The following GSDME variants were observed in gnomAD, a reference collection of about 807,000 sequenced individuals.
The protein encoded by GSDME is gasdermin-E.
Under a neutral mutation model 47.5 loss-of-function variants are expected in GSDME, and 44 were observed. That is an observed-to-expected ratio of 0.93 (90% CI 0.73 to 1.19). The LOEUF (loss-of-function observed/expected upper bound fraction) is 1.19, where lower values mean the gene tolerates loss of function less well. Among genes scored for constraint, GSDME ranks in the 50% most tolerant of loss-of-function variants. The pLI is 0.00. For synonymous variants in GSDME, 258 were observed against 252.8 expected, an observed-to-expected ratio of 1.02 and a Z score of -0.20; for missense variants, 663 against 604.2, an observed-to-expected ratio of 1.10 and a Z score of -1.02.
At chr7:24,727,935 C>T (rs1790022766) in intron 3 of GSDME, among the ~76,000 whole-genome samples, 1 of 152,186 alleles carries the variant, frequency 6.6e-6, no homozygotes, top group African/African-American at 2.4e-5. Context: ...CATCCTGTAC[C>T]GGGAAGGCTG....
At position 24,702,825 on chromosome 7, in the gene GSDME, C is replaced by G. The variant is rs144651293; in HGVS notation, c.1192G>C (p.Asp398His). ...GTGCCCAGCAGAGCTGCTGCGCTAT[C>G]TGGCATTTCTGCAGGAGAGAAAAAT... ...FLVSALAEMP[D>H]SAAALLGTCC... Residue 398 changes from aspartate (D) to histidine (H), a missense_variant, in exon 9 of 10, where the codon GAT (aspartate) becomes CAT (histidine). Coordinates refer to ENST00000645220, the MANE Select transcript of GSDME (RefSeq NM_001127453.2). 1.2e-6 allele frequency: 2 copies of G among 1,612,986 alleles called. No individual in the cohort carries two copies.
At chr7:24,711,218 T>G (rs1789340453) in intron 5 of GSDME, among the ~76,000 whole-genome samples, 1 of 152,130 alleles carries the variant, frequency 6.6e-6, no homozygotes, top group East Asian at 1.9e-4. Flanking sequence ...TAAAAAGGTT[T>G]GTTTTTGGTT....
chr7:24,708,117 C>T lies in GSDME; in HGVS notation c.990+10G>A, dbSNP rs1202860917. The T allele has an allele frequency of 6.2e-7, 1 of 1,614,140 alleles. No individual in the cohort carries two copies. The stretch of plus-strand genomic sequence containing the variant: ...GTGAAAACACTGCCTTGAGATGTCT[C>T]AGGGCTCACCACTGGTTCCAGGACC... On this transcript the variant is annotated intron_variant, in intron 7 of 9. Transcript: ENST00000645220.
chr7:24,760,596 G>T (rs1791152206), upstream of GSDME, among the ~76,000 whole-genome samples: 1 of 152,178 alleles, frequency 6.6e-6, no homozygotes, highest in Admixed American at 6.5e-5. This position sits in a 1 kb window ranked among gnomAD's most constrained non-coding sequence, Gnocchi z 4.2. Context: ...TTCAGCTAAA[G>T]TTGCCTTTAA....
At chr7:24,711,258 T>C (rs1176659335) in intron 5 of GSDME, among the ~76,000 whole-genome samples, 2 of 152,110 alleles carry the variant, frequency 1.3e-5, no homozygotes, top group Non-Finnish European at 2.9e-5. Context: ...TGAGACAGAG[T>C]CACTCTGTTG....
rs1441981826 is a variant in GSDME, at chr7:24,744,981, G to A, written c.212-227C>T. Among the ~76,000 whole-genome samples, 1 of 121,016 alleles carries A rather than the reference G, an allele frequency of 8.3e-6. No individual in the cohort carries two copies. The highest frequency in any genetic ancestry group is 3.2e-5 in the African/African-American group (1 of 31,048). The allele number at this position is 121,016 out of a possible 152,430, so 79.4% of individuals were successfully genotyped here. ...CGCGGGCACACAGTGGACCAGTGCA[G>A]CACGTGTGTGTGTGTGTGTGTGTGT... On this transcript the variant is annotated intron_variant, in intron 2 of 9. Coordinates refer to ENST00000645220, the MANE Select transcript of GSDME (RefSeq NM_001127453.2). This position sits in a 1 kb window ranked among gnomAD's most constrained non-coding sequence, Gnocchi z 4.5.
rs928911327 is a variant in GSDME, at chr7:24,732,905, G to T, written c.404+11657C>A. Among the ~76,000 whole-genome samples the T allele has an allele frequency of 6.6e-6, 1 of 152,048 alleles. No homozygotes were observed. Among genetic ancestry groups the T allele is most frequent in the Non-Finnish European group, 1.5e-5 (1 of 68,012 alleles). On this transcript the variant is annotated intron_variant, in intron 3 of 9. Transcript: ENST00000645220. This position sits in a 1 kb window ranked among gnomAD's most constrained non-coding sequence, Gnocchi z 4.8. Reference sequence around the variant, plus strand: ...GCTGGGCTCAGAGCCAGTGGATTTGGGGGGTGGGTACACAACCTACTGAGA... The same window carrying T: ...GCTGGGCTCAGAGCCAGTGGATTTGTGGGGTGGGTACACAACCTACTGAGA...
chr7:24,726,168 C>T lies in GSDME; in HGVS notation c.405-6950G>A, dbSNP rs977273000. Among the ~76,000 whole-genome samples, 2 of 152,144 alleles carry T rather than the reference C, an allele frequency of 1.3e-5. No homozygotes were observed. Among genetic ancestry groups the T allele is most frequent in the South Asian group, 2.1e-4 (1 of 4,822 alleles). On this transcript the variant is annotated intron_variant, in intron 3 of 9. Transcript: ENST00000645220. The surrounding 1 kb of genome is among the most constrained non-coding windows in gnomAD (Gnocchi z 5.6). ...TCCCCAGGCCCAGCCCTAATGAAGCCGCCTCCTCTCCCAGCCTGAAGCTTT... is the reference window on the plus strand; with the variant it reads ...TCCCCAGGCCCAGCCCTAATGAAGCTGCCTCCTCTCCCAGCCTGAAGCTTT...
chr7:24,728,965 T>C lies in GSDME; in HGVS notation c.405-9747A>G, dbSNP rs1366297272. 1.3e-5 allele frequency among the ~76,000 whole-genome samples: 2 copies of C among 152,332 alleles called. No homozygotes were observed. The highest frequency in any genetic ancestry group is 4.8e-5 in the African/African-American group (2 of 41,570). On this transcript the variant is annotated intron_variant, in intron 3 of 9. Transcript: ENST00000645220. This position sits in a 1 kb window ranked among gnomAD's most constrained non-coding sequence, Gnocchi z 7.2. Reference sequence around the variant, plus strand: ...ATTGGGGCAGAATGCTCACTGCACATTGTTGCCAAAGTGACCAAGTCACCC... The same window carrying C: ...ATTGGGGCAGAATGCTCACTGCACACTGTTGCCAAAGTGACCAAGTCACCC...
intron 8 of GSDME, chr7:24,704,930 C>G (rs559016504): frequency 1.3e-5 from 2 of 152,346 alleles, no homozygotes; most frequent in Non-Finnish European, 2.9e-5. Flanking sequence ...TCAAGTGATC[C>G]TTCCACCTTA....
intron 1 of GSDME, among the ~76,000 whole-genome samples, chr7:24,752,730 A>G (rs956237821): frequency 5.3e-5 from 8 of 152,212 alleles, no homozygotes; most frequent in Admixed American, 3.9e-4. Context: ...AGAGCCACAG[A>G]ACAACTGCTT....
At chr7:24,749,935 T>G (rs1790803097) in intron 1 of GSDME, 142 bp from the exon 2 acceptor site, 2 of 632,048 alleles carry the variant, frequency 3.2e-6, no homozygotes, top group Non-Finnish European at 5.5e-6. Context: ...TAGTTTGACT[T>G]TAGCTGATAA....
At chr7:24,740,863 T>C (rs1790466426) in intron 3 of GSDME, among the ~76,000 whole-genome samples, 1 of 152,146 alleles carries the variant, frequency 6.6e-6, no homozygotes, top group Non-Finnish European at 1.5e-5. Context: ...CTTTACAATA[T>C]GATGAAGAAT....
At position 24,744,749 on chromosome 7, in the gene GSDME, C is replaced by A; in HGVS notation, c.217G>T (p.Val73Leu). 2 of 1,613,986 alleles carry A rather than the reference C, an allele frequency of 1.2e-6. No individual in the cohort carries two copies. Among genetic ancestry groups the A allele is most frequent in the South Asian group, 2.2e-5 (2 of 91,064 alleles). ...TCGTATTTCACAAAGTCCGACTCCACGACCACTGGAATGGAGGAGACGAGC... is the reference window on the plus strand; with the variant it reads ...TCGTATTTCACAAAGTCCGACTCCAAGACCACTGGAATGGAGGAGACGAGC... ...IEDQFPSPVV[V>L]ESDFVKYEGK... is the part of the protein sequence containing the mutation. Residue 73 changes from valine to leucine, a missense_variant, in exon 3 of 10, where the codon GTG becomes TTG. By Grantham distance (32) the Val-to-Leu change is conservative. Transcript: ENST00000645220. The surrounding 1 kb of genome is among the most constrained non-coding windows in gnomAD (Gnocchi z 4.5).
Position 24,732,334 on chromosome 7 carries a change from CT to C in GSDME, c.404+12227del, listed in dbSNP as rs1042480268. 6.6e-6 allele frequency among the ~76,000 whole-genome samples: 1 copy of C among 152,172 alleles called. No individual in the cohort carries two copies. The highest frequency in any genetic ancestry group is 2.4e-5 in the African/African-American group (1 of 41,426). The stretch of plus-strand genomic sequence containing the variant: ...AGACATGGCTCCTCAAATCTTTCTC[CT>C]TGAAAAACTCCTAAATGTTAAAGGA... On this transcript the variant is annotated intron_variant, in intron 3 of 9. Coordinates refer to ENST00000645220, the MANE Select transcript of GSDME (RefSeq NM_001127453.2). This position sits in a 1 kb window ranked among gnomAD's most constrained non-coding sequence, Gnocchi z 4.8.
At chr7:24,759,681 G>A (rs1295733875), upstream of GSDME, among the ~76,000 whole-genome samples, 1 of 152,120 alleles carries the variant, frequency 6.6e-6, no homozygotes, top group Admixed American at 6.5e-5. Flanking sequence ...ACCCACCATA[G>A]GGTAGACTCT....
the GSDME span, among the ~76,000 whole-genome samples, chr7:24,768,761 A>G: frequency 2.0e-5 from 3 of 152,262 alleles, no homozygotes; most frequent in Admixed American, 6.5e-5. The surrounding 1 kb of genome is among the most constrained non-coding windows in gnomAD (Gnocchi z 5.6). Flanking sequence ...TCACCAAATT[A>G]ATTTGCTTAT....
At chr7:24,704,441 G>A (rs1046817863) in intron 8 of GSDME, 1 of 152,156 alleles carries the variant, frequency 6.6e-6, no homozygotes, top group African/African-American at 2.4e-5. Context: ...TTTTTAAGGA[G>A]AGAAGATTAT....
chr7:24,744,865 C>G lies in GSDME; in HGVS notation c.212-111G>C. On this transcript the variant is annotated intron_variant, in intron 2 of 9. Transcript: ENST00000645220. This position sits in a 1 kb window ranked among gnomAD's most constrained non-coding sequence, Gnocchi z 4.5. ...AGAGCCCCGGAAAGCAGAAGGCTGG[C>G]ACTCAGATGGAAAGCCGGCAGCCAT... 1 of 1,195,852 alleles carries G rather than the reference C, an allele frequency of 8.4e-7. No individual in the cohort carries two copies. The highest frequency in any genetic ancestry group is 1.2e-6 in the Non-Finnish European group (1 of 829,724). The allele number at this position is 1,195,852 out of a possible 1,614,324, so 74.1% of individuals were successfully genotyped here. A position where few individuals can be genotyped will look rare whatever the true frequency, so the allele number is the denominator to read the frequency against.
Sources: allele counts gnomAD v4.1 joint callset (sites outside exome capture counted in the v4.1 genomes callset), GRCh38; gene constraint gnomAD v4.1.1; non-coding constraint Gnocchi (gnomAD v3.1); transcripts MANE v1.5; gene names NCBI Gene and HGNC (gene_info 2026-07-23, HGNC 2026-07-21).